Variants in UBE3C observed in about 807,000 individuals in gnomAD.
UBE3C encodes ubiquitin-protein ligase E3C.
UBE3C carries 42 observed loss-of-function variants against 129.4 expected under a neutral mutation model. That is an observed-to-expected ratio of 0.32 (90% CI 0.25 to 0.42). The LOEUF is 0.42. Ranked by LOEUF, UBE3C falls within the 10% of genes least tolerant of loss-of-function variation. The probability of loss-of-function intolerance (pLI) is 1.00; values close to 1 mark genes in which losing one functional copy is unlikely to be tolerated. For synonymous variants in UBE3C, 510 were observed against 492.4 expected, an observed-to-expected ratio of 1.04 and a Z score of -0.47; for missense variants, 1,049 against 1,319.1, an observed-to-expected ratio of 0.80 and a Z score of 3.17.
chr7:157,234,191 GAA>G (rs1796094714), intron 18 of UBE3C, among the ~76,000 whole-genome samples: 1 of 147,688 alleles, frequency 6.8e-6, no homozygotes, highest in East Asian at 2.1e-4. Flanking sequence ...TTTTAATTTT[GAA>G]GTCTAACGTG....
intron 10 of UBE3C, among the ~76,000 whole-genome samples, chr7:157,193,210 C>A (rs933633968): frequency 4.6e-5 from 7 of 152,266 alleles, no homozygotes; most frequent in East Asian, 3.9e-4. Context: ...TTATCTGATG[C>A]AAATTATTAT....
intron 1 of UBE3C, among the ~76,000 whole-genome samples, chr7:157,161,482 C>T (rs1216211865): frequency 6.7e-6 from 1 of 148,474 alleles, no homozygotes. Flanking sequence ...GACAGGGTCT[C>T]GCTTTGTGAC....
chr7:157,208,646 C>T (rs904882206), intron 13 of UBE3C, among the ~76,000 whole-genome samples: 1 of 151,980 alleles, frequency 6.6e-6, no homozygotes, highest in African/African-American at 2.4e-5. Context: ...TGATTAACAA[C>T]GTAAAGTAGG....
At chr7:157,248,039 TC>T (rs1434363703) in intron 18 of UBE3C, among the ~76,000 whole-genome samples, 2 of 152,212 alleles carry the variant, frequency 1.3e-5, no homozygotes, top group African/African-American at 4.8e-5. Context: ...AACCTGCAGT[TC>T]CTGAAGGATT....
At chr7:157,254,221 A>C in intron 20 of UBE3C, 23 bp from the exon 21 acceptor site, 1 of 1,610,982 alleles carries the variant, frequency 6.2e-7, no homozygotes, top group Non-Finnish European at 8.5e-7. Flanking sequence ...CTCAAATGTT[A>C]TTATTTGAAC....
At chr7:157,254,828 T>C (rs1479467482) in intron 21 of UBE3C, among the ~76,000 whole-genome samples, 1 of 151,762 alleles carries the variant, frequency 6.6e-6, no homozygotes, top group Non-Finnish European at 1.5e-5. Context: ...TCACTTGAGC[T>C]CAGGAGTTTG....
At chr7:157,147,782 G>T (rs1176732019) in intron 1 of UBE3C, among the ~76,000 whole-genome samples, 1 of 152,112 alleles carries the variant, frequency 6.6e-6, no homozygotes, top group African/African-American at 2.4e-5. Flanking sequence ...TGCTTTTTCT[G>T]TATCTGTTAA....
At chr7:157,262,215 G>C (rs1796933382) in intron 22 of UBE3C, among the ~76,000 whole-genome samples, 1 of 151,458 alleles carries the variant, frequency 6.6e-6, no homozygotes, top group African/African-American at 2.4e-5. Context: ...GTTATTTCTG[G>C]TTCTCCTTTG....
intron 13 of UBE3C, among the ~76,000 whole-genome samples, chr7:157,211,453 A>G (rs935376861): frequency 6.6e-6 from 1 of 152,180 alleles, no homozygotes; most frequent in African/African-American, 2.4e-5. Flanking sequence ...CAGTAATTTT[A>G]TAGTGTTTTA....
chr7:157,188,111 G>T (rs1808861149), intron 10 of UBE3C, among the ~76,000 whole-genome samples: 1 of 152,182 alleles, frequency 6.6e-6, no homozygotes, highest in Admixed American at 6.5e-5. Context: ...TATTCAATTG[G>T]ATACAGAGTA....
intron 1 of UBE3C, among the ~76,000 whole-genome samples, chr7:157,140,290 G>A (rs1206674028): frequency 6.6e-6 from 1 of 152,186 alleles, no homozygotes; most frequent in East Asian, 1.9e-4. Flanking sequence ...GTGGGTGCTG[G>A]CAGGCCAAGG....
intron 1 of UBE3C, among the ~76,000 whole-genome samples, chr7:157,153,393 G>A (rs747710729): frequency 3.2e-4 from 48 of 152,146 alleles, no homozygotes; most frequent in Admixed American, 1.2e-3. Flanking sequence ...AACTGTCTGT[G>A]ACTTAGCTGT....
At chr7:157,239,684 G>A (rs1318659693) in intron 18 of UBE3C, among the ~76,000 whole-genome samples, 2 of 152,196 alleles carry the variant, frequency 1.3e-5, no homozygotes, top group Admixed American at 6.5e-5. Flanking sequence ...GGAAAGCTGT[G>A]TTCTAAAGAT....
chr7:157,267,535 G>A lies in UBE3C; in HGVS notation c.3082-50G>A, dbSNP rs775439302. The A allele has an allele frequency of 3.7e-6, 6 of 1,602,834 alleles. No individual in the cohort carries two copies. The Admixed American group carries it at 8.6e-5, about 23-fold the overall frequency. Reference sequence around the variant, plus strand: ...TTGTGTACTTTGTATTAAAACTCATGTAATGCCATGCTTGTTACAGTGACA... The same window carrying A: ...TTGTGTACTTTGTATTAAAACTCATATAATGCCATGCTTGTTACAGTGACA... On this transcript the variant is annotated intron_variant, in intron 22 of 22. Transcript: ENST00000348165.
Position 157,245,945 on chromosome 7 carries a change from C to T in UBE3C, c.2482-2423C>T, listed in dbSNP as rs559856545. 3.7e-4 allele frequency among the ~76,000 whole-genome samples: 51 copies of T among 136,194 alleles called. 1 individual carries two copies. Among genetic ancestry groups the T allele is most frequent in the Middle Eastern group, 8.8e-3 (2 of 226 alleles). The allele number at this position is 136,194 out of a possible 152,430, so 89.3% of individuals were successfully genotyped here. Reference sequence around the variant, plus strand: ...GGCGGAGGCTGCAGTGAGCCGAGATCGTGCCACTGCACACTCCAGCCCGGG... The same window carrying T: ...GGCGGAGGCTGCAGTGAGCCGAGATTGTGCCACTGCACACTCCAGCCCGGG... On this transcript the variant is annotated intron_variant, in intron 18 of 22. Coordinates refer to ENST00000348165, the MANE Select transcript of UBE3C (RefSeq NM_014671.3).
At position 157,187,056 on chromosome 7, in the gene UBE3C, C is replaced by T. The variant is rs145545553; in HGVS notation, c.1331+35C>T. On this transcript the variant is annotated intron_variant, in intron 10 of 22. Coordinates refer to ENST00000348165, the MANE Select transcript of UBE3C (RefSeq NM_014671.3). ...CGTGGGCGTCTGTGCCAGGGGGTGC[C>T]AGCCAGAGAACATACCTTCCTCCCT... is the stretch of plus-strand genomic sequence containing the variant. The T allele has an allele frequency of 8.3e-5, 129 of 1,550,418 alleles. No individual in the cohort carries two copies. The African/African-American group carries it at 1.5e-3, about 18-fold the overall frequency.
chr7:157,209,092 A>C (rs1200848355), intron 13 of UBE3C, among the ~76,000 whole-genome samples: 1 of 152,184 alleles, frequency 6.6e-6, no homozygotes, highest in East Asian at 1.9e-4. Flanking sequence ...TGCTAATGGA[A>C]CTTTCTTCTT....
At chr7:157,207,660 A>C in intron 12 of UBE3C, 43 bp from the exon 13 acceptor site, 1 of 1,598,580 alleles carries the variant, frequency 6.3e-7, no homozygotes, top group Admixed American at 1.8e-5. Flanking sequence ...GTGTGTTAAA[A>C]GATGGAAAAA....
At chr7:157,170,487 C>G in intron 4 of UBE3C, 37 bp downstream of exon 4, 1 of 1,473,164 alleles carries the variant, frequency 6.8e-7, no homozygotes, top group Non-Finnish European at 9.0e-7. Context: ...TCCTCGTTTA[C>G]ACGTGTTCTG....
Sources: allele counts gnomAD v4.1 joint callset (sites outside exome capture counted in the v4.1 genomes callset), GRCh38; gene constraint gnomAD v4.1.1; transcripts MANE v1.5; gene names NCBI Gene and HGNC (gene_info 2026-07-23, HGNC 2026-07-21).